The following NFIB variants were observed in gnomAD, a reference collection of about 807,000 sequenced individuals.
NFIB encodes the protein nuclear factor 1 B-type.
In NFIB, 11 loss-of-function variants were observed where a neutral mutation model predicts 61.5. The observed-to-expected ratio is 0.18, with a 90% CI of 0.11 to 0.30. The LOEUF (loss-of-function observed/expected upper bound fraction) is 0.30, where lower values mean the gene tolerates loss of function less well. NFIB is among the 10% of genes least tolerant of loss of function. The pLI, the probability that NFIB is intolerant of heterozygous loss-of-function variation, is 1.00. For missense variants in NFIB, 471 were observed against 608.9 expected (o/e 0.77, Z 2.38); for synonymous variants, 260 against 216.5 (o/e 1.20, Z -1.76).
At chr9:14,115,551 A>C (rs2037997092) in intron 9 of NFIB, among the ~76,000 whole-genome samples, 2 of 152,164 alleles carry the variant, frequency 1.3e-5, no homozygotes. Context: ...CTGACATTTA[A>C]ATGTTATGGC....
At chr9:14,220,730 C>T (rs986415815) in intron 2 of NFIB, among the ~76,000 whole-genome samples, 2 of 152,100 alleles carry the variant, frequency 1.3e-5, no homozygotes, top group Admixed American at 1.3e-4. Flanking sequence ...TTCAGAAAAC[C>T]CCCTTCATCA....
intron 1 of NFIB, chr9:14,361,669 A>C (rs936655035): frequency 6.6e-6 from 1 of 152,230 alleles, no homozygotes. Flanking sequence ...AGCCACTAAA[A>C]TCTTTTGGAA....
chr9:14,395,726 CT>C (rs35417792), intron 1 of NFIB, among the ~76,000 whole-genome samples: 1,869 of 65,624 alleles, frequency 0.028, 14 homozygotes, highest in African/African-American at 0.063. Context: ...ATTCTTTTGA[CT>C]TTTTTTTTTT....
the NFIB span, among the ~76,000 whole-genome samples, chr9:14,513,553 G>A: frequency 1.3e-5 from 2 of 151,618 alleles, no homozygotes; most frequent in African/African-American, 4.8e-5. Context: ...GCTTGAACTC[G>A]GGAGCCGGAG....
the NFIB span, among the ~76,000 whole-genome samples, chr9:14,489,661 C>T: frequency 2.0e-5 from 3 of 152,078 alleles, no homozygotes; most frequent in Non-Finnish European, 4.4e-5. Flanking sequence ...TTTTTGTGTA[C>T]ATTTTCAGAG....
chr9:14,212,273 G>A (rs2050395160), intron 2 of NFIB, among the ~76,000 whole-genome samples: 2 of 152,318 alleles, frequency 1.3e-5, no homozygotes, highest in African/African-American at 4.8e-5. Flanking sequence ...TAAGGTTGAT[G>A]AGTCACATAA....
At chr9:14,243,593 A>C (rs771246166) in intron 2 of NFIB, among the ~76,000 whole-genome samples, 52 of 142,988 alleles carry the variant, frequency 3.6e-4, no homozygotes, top group Admixed American at 7.3e-4. Flanking sequence ...GGTTAGATTT[A>C]CCTAATTGGG....
At chr9:14,472,239 G>A in the NFIB span, among the ~76,000 whole-genome samples, 3 of 152,202 alleles carry the variant, frequency 2.0e-5, no homozygotes, top group African/African-American at 7.2e-5. Flanking sequence ...ACATGTTGCT[G>A]TGTGTGCTGA....
chr9:14,246,970 T>TC (rs2055005956), intron 2 of NFIB, among the ~76,000 whole-genome samples: 2 of 151,796 alleles, frequency 1.3e-5, no homozygotes, highest in South Asian at 4.2e-4. Context: ...GCCTGATCTC[T>TC]CTCTCTCTCT....
chr9:14,297,677 A>G (rs1350100911), intron 2 of NFIB, among the ~76,000 whole-genome samples: 2 of 152,244 alleles, frequency 1.3e-5, no homozygotes, highest in Non-Finnish European at 2.9e-5. Context: ...ATGTATAAAC[A>G]GTACGCAACA....
chr9:14,419,659 T>C, the NFIB span, among the ~76,000 whole-genome samples: 1 of 152,202 alleles, frequency 6.6e-6, no homozygotes, highest in Non-Finnish European at 1.5e-5. Flanking sequence ...GACATTTCAG[T>C]ATGGTCCTCC....
chr9:14,233,200 C>T (rs2053387901), intron 2 of NFIB, among the ~76,000 whole-genome samples: 1 of 152,150 alleles, frequency 6.6e-6, no homozygotes, highest in African/African-American at 2.4e-5. Flanking sequence ...GTTGAAAATG[C>T]AAAATCACAC....
chr9:14,354,874 TGAAG>T (rs1434590938), intron 1 of NFIB, among the ~76,000 whole-genome samples: 1 of 151,652 alleles, frequency 6.6e-6, no homozygotes, highest in Admixed American at 6.6e-5. Context: ...TTTACAGATG[TGAAG>T]GGAGTGTGTA....
chr9:14,292,250 A>C (rs1435905467), intron 2 of NFIB, among the ~76,000 whole-genome samples: 1 of 152,188 alleles, frequency 6.6e-6, no homozygotes, highest in African/African-American at 2.4e-5. Flanking sequence ...TCAGTATCCC[A>C]AACTGTAAAG....
chr9:14,158,921 T>G (rs1257147300), intron 3 of NFIB, among the ~76,000 whole-genome samples: 1 of 152,234 alleles, frequency 6.6e-6, no homozygotes, highest in Non-Finnish European at 1.5e-5. Flanking sequence ...CATCGATGAA[T>G]AAGTGATGAA....
chr9:14,357,270 C>G (rs1227277032), intron 1 of NFIB: 1 of 152,068 alleles, frequency 6.6e-6, no homozygotes. Flanking sequence ...TTTCCCAAAC[C>G]CCATGACTCT....
intron 10 of NFIB, among the ~76,000 whole-genome samples, chr9:14,111,663 T>G (rs1199088312): frequency 6.6e-6 from 1 of 152,146 alleles, no homozygotes; most frequent in African/African-American, 2.4e-5. Flanking sequence ...TTATAACAAT[T>G]TTAGAGGTGA....
chr9:14,402,472 A>AT (rs1385201075), upstream of NFIB, among the ~76,000 whole-genome samples: 1 of 152,170 alleles, frequency 6.6e-6, no homozygotes. Context: ...AATTCTGAGT[A>AT]TTTTTTGTAG....
the NFIB span, among the ~76,000 whole-genome samples, chr9:14,493,744 A>T: frequency 5.3e-5 from 8 of 152,216 alleles, no homozygotes; most frequent in African/African-American, 1.9e-4. Context: ...GTCTGGCACA[A>T]ATTACAAAAT....
Sources: allele counts gnomAD v4.1 joint callset (sites outside exome capture counted in the v4.1 genomes callset), GRCh38; gene constraint gnomAD v4.1.1; transcripts MANE v1.5; gene names NCBI Gene and HGNC (gene_info 2026-07-23, HGNC 2026-07-21).